Variants in CA10 observed in about 807,000 individuals in gnomAD.
CA10 encodes carbonic anhydrase 10 (inactive).
A neutral mutation model predicts 44.2 loss-of-function variants in CA10; 14 were observed. That is an observed-to-expected ratio of 0.32 (90% CI 0.21 to 0.50). The LOEUF is 0.50. CA10 is among the 20% of genes least tolerant of loss of function. The probability of loss-of-function intolerance (pLI) is 0.99; values close to 1 mark genes in which losing one functional copy is unlikely to be tolerated. For synonymous variants in CA10, 159 were observed against 141.6 expected (o/e 1.12, Z -0.87); for missense variants, 350 against 409.7 (o/e 0.85, Z 1.26).
At chr17:52,055,341 C>T (rs1987196644) in intron 2 of CA10, among the ~76,000 whole-genome samples, 1 of 60,470 alleles carries the variant, frequency 1.7e-5, no homozygotes, top group South Asian at 8.6e-4. Flanking sequence ...ATATATCCTT[C>T]TGGTGAAAAA....
At chr17:51,935,160 C>G (rs1055664142) in intron 2 of CA10, among the ~76,000 whole-genome samples, 1 of 152,108 alleles carries the variant, frequency 6.6e-6, no homozygotes. Flanking sequence ...TATAGACACC[C>G]GTGTCACCTT....
chr17:51,951,604 C>T (rs765634111), intron 2 of CA10, among the ~76,000 whole-genome samples: 11 of 152,072 alleles, frequency 7.2e-5, no homozygotes, highest in South Asian at 2.1e-4. Context: ...ACCTTTTTGT[C>T]CTCCATGCAA....
intron 2 of CA10, among the ~76,000 whole-genome samples, chr17:52,015,029 T>A (rs1244483769): frequency 6.6e-6 from 1 of 151,886 alleles, no homozygotes. Context: ...AAAAAAGCAG[T>A]TTGCAAAGGA....
intron 3 of CA10, among the ~76,000 whole-genome samples, chr17:51,863,026 T>C (rs368706426): frequency 6.6e-6 from 1 of 152,116 alleles, no homozygotes; most frequent in Admixed American, 6.5e-5. Flanking sequence ...GAAGCAAAGG[T>C]GTGGCAACTT....
At chr17:51,960,812 T>C (rs2144050081) in intron 2 of CA10, among the ~76,000 whole-genome samples, 1 of 152,296 alleles carries the variant, frequency 6.6e-6, no homozygotes, top group East Asian at 1.9e-4. Context: ...TAGAACATAT[T>C]CTGAACTAAG....
At chr17:51,813,123 G>T (rs1051022854) in intron 3 of CA10, among the ~76,000 whole-genome samples, 1 of 152,192 alleles carries the variant, frequency 6.6e-6, no homozygotes, top group African/African-American at 2.4e-5. Flanking sequence ...ATAGATAACA[G>T]ATTAAAAATT....
At chr17:51,861,543 GT>G (rs370260672) in intron 3 of CA10, among the ~76,000 whole-genome samples, 28,506 of 137,428 alleles carry the variant, frequency 0.21, 4,002 homozygotes, top group African/African-American at 0.42. Context: ...GCAGATGTGT[GT>G]TTTTTTTTTT....
At chr17:51,989,831 T>A (rs752574744) in intron 2 of CA10, among the ~76,000 whole-genome samples, 1 of 152,254 alleles carries the variant, frequency 6.6e-6, no homozygotes, top group East Asian at 1.9e-4. Context: ...TTCCTTAACC[T>A]GTTTTCTGCT....
intron 2 of CA10, among the ~76,000 whole-genome samples, chr17:51,936,430 G>C (rs1287761546): frequency 6.6e-6 from 1 of 151,404 alleles, no homozygotes. Context: ...CTCTGGAAGG[G>C]TCAGCTGGTA....
At chr17:51,908,621 A>G (rs557276109) in intron 3 of CA10, among the ~76,000 whole-genome samples, 2 of 152,088 alleles carry the variant, frequency 1.3e-5, no homozygotes, top group East Asian at 3.9e-4. Context: ...CTAGCTCTAC[A>G]CCAAAATAAA....
At chr17:51,987,075 A>G (rs1367459864) in intron 2 of CA10, among the ~76,000 whole-genome samples, 1 of 152,150 alleles carries the variant, frequency 6.6e-6, no homozygotes, top group Non-Finnish European at 1.5e-5. Context: ...TAGCAGCACA[A>G]TTAGCAACTG....
chr17:51,835,548 G>T (rs1027098163), intron 3 of CA10, among the ~76,000 whole-genome samples: 1 of 152,196 alleles, frequency 6.6e-6, no homozygotes, highest in Non-Finnish European at 1.5e-5. Context: ...ACTAGCAGAA[G>T]GCAAAATGAA....
intron 4 of CA10, among the ~76,000 whole-genome samples, chr17:51,701,175 C>T (rs1406538504): frequency 6.6e-6 from 1 of 152,044 alleles, no homozygotes; most frequent in Non-Finnish European, 1.5e-5. Context: ...CTGTGCTATG[C>T]TCTCTCCCAG....
intron 2 of CA10, among the ~76,000 whole-genome samples, chr17:52,034,755 T>C (rs1291174531): frequency 2.6e-5 from 4 of 152,130 alleles, no homozygotes; most frequent in Non-Finnish European, 4.4e-5. Context: ...AATGAGTTAG[T>C]GTTTGAAAGC....
intron 2 of CA10, among the ~76,000 whole-genome samples, chr17:51,957,700 G>A (rs1044396228): frequency 2.0e-5 from 3 of 152,022 alleles, no homozygotes; most frequent in Non-Finnish European, 2.9e-5. Flanking sequence ...TAGTTCAAGA[G>A]AATAAAAACA....
intron 3 of CA10, among the ~76,000 whole-genome samples, chr17:51,851,914 CTTTTA>C (rs1978813389): frequency 6.6e-6 from 1 of 152,214 alleles, no homozygotes; most frequent in Non-Finnish European, 1.5e-5. Flanking sequence ...TCCTTCCCCA[CTTTTA>C]GTTCCATCTT....
chr17:52,074,889 G>A (rs1254240911), intron 1 of CA10, among the ~76,000 whole-genome samples: 1 of 151,864 alleles, frequency 6.6e-6, no homozygotes, highest in East Asian at 1.9e-4. Flanking sequence ...AAAAAAAAGG[G>A]TTGAAAAAAA....
At chr17:51,760,601 C>G (rs1905191926) in intron 3 of CA10, among the ~76,000 whole-genome samples, 2 of 152,156 alleles carry the variant, frequency 1.3e-5, no homozygotes, top group Non-Finnish European at 2.9e-5. Context: ...GCGAGACTTA[C>G]TTTTCATTTT....
intron 2 of CA10, among the ~76,000 whole-genome samples, chr17:52,023,268 C>A (rs1223567740): frequency 6.6e-6 from 1 of 151,992 alleles, no homozygotes; most frequent in East Asian, 1.9e-4. Flanking sequence ...GCTCATACAC[C>A]AATGGAACAA....
Sources: allele counts gnomAD v4.1 joint callset (sites outside exome capture counted in the v4.1 genomes callset), GRCh38; gene constraint gnomAD v4.1.1; transcripts MANE v1.5; gene names NCBI Gene and HGNC (gene_info 2026-07-23, HGNC 2026-07-21).